PSTPIP1: variants seen among roughly 807,000 people sequenced by gnomAD.
PSTPIP1 encodes proline-serine-threonine phosphatase-interacting protein 1.
In PSTPIP1, 66 loss-of-function variants were observed where a neutral mutation model predicts 69.6. The observed-to-expected ratio is 0.95, with a 90% CI of 0.78 to 1.16. The LOEUF (loss-of-function observed/expected upper bound fraction) is 1.16. Among genes scored for constraint, PSTPIP1 ranks in the 50% most tolerant of loss-of-function variants. The pLI is 0.00. For missense variants in PSTPIP1, 603 were observed against 557.4 expected (o/e 1.08, Z -0.82); for synonymous variants, 266 against 222.7 (o/e 1.19, Z -1.73).
At chr15:76,994,699 A>G (rs1346551036), upstream of PSTPIP1, 6 of 1,242,570 alleles carry the variant, frequency 4.8e-6, no homozygotes, top group Non-Finnish European at 6.3e-6. Flanking sequence ...CTGTGTGCTC[A>G]CAGCCCCCCA....
chr15:77,032,925 T>G lies in PSTPIP1; in HGVS notation c.902T>G (p.Ile301Arg). The change falls in exon 12 of 15, where the codon ATA (isoleucine) becomes AGA (arginine). Residue 301 changes from isoleucine to arginine, a missense_variant. By Grantham distance (97) the Ile-to-Arg change is moderately conservative (BLOSUM62 -3). Transcript: ENST00000558012. ...EVTPLTSSPG[I>R]QPSCGMIKRF... The stretch of plus-strand genomic sequence containing the variant: ...ACCCCGCTGACCAGCAGCCCTGGCA[T>G]ACAGCCGTCCTGCGGCATGATAAAG... The G allele has an allele frequency of 6.2e-7, 1 of 1,605,592 alleles. No homozygotes were observed. Among genetic ancestry groups the G allele is most frequent in the African/African-American group, 1.3e-5 (1 of 74,896 alleles).
At chr15:77,000,212 G>T (rs2075669014) in intron 1 of PSTPIP1, among the ~76,000 whole-genome samples, 1 of 152,194 alleles carries the variant, frequency 6.6e-6, no homozygotes, top group Non-Finnish European at 1.5e-5. Flanking sequence ...GCTTCACACA[G>T]TGGGACCAGC....
chr15:77,032,268 G>C, intron 10 of PSTPIP1, 30 bp from the exon 11 acceptor site: 1 of 1,606,430 alleles, frequency 6.2e-7, no homozygotes, highest in Non-Finnish European at 8.5e-7. Context: ...GTGGGCATCG[G>C]GCTGCGGCCT....
At position 77,030,534 on chromosome 15, in the gene PSTPIP1, GAGA is replaced by G; in HGVS notation, c.598_600del (p.Lys200del). On this transcript the variant is annotated inframe_deletion, in exon 9 of 15. Coordinates refer to ENST00000558012, the MANE Select transcript of PSTPIP1 (RefSeq NM_003978.5). ...ATACAGGCAGAGCATTGCGCAGCTGGAGAAGGTCCGGGCTGAGTGGGAGCAGGA... is the reference window on the plus strand; with the variant it reads ...ATACAGGCAGAGCATTGCGCAGCTGGAGGTCCGGGCTGAGTGGGAGCAGGA... 6.2e-7 allele frequency: 1 copy of G among 1,612,596 alleles called. No individual in the cohort carries two copies. The highest frequency in any genetic ancestry group is 8.5e-7 in the Non-Finnish European group (1 of 1,179,490).
At chr15:77,028,024 AG>A (rs1369541512) in intron 6 of PSTPIP1, 110 bp downstream of exon 6, 2 of 1,068,354 alleles carry the variant, frequency 1.9e-6, no homozygotes, top group African/African-American at 3.2e-5. Flanking sequence ...GGCTGACCTC[AG>A]CCTTGGTCCT....
intron 12 of PSTPIP1, 140 bp downstream of exon 12, chr15:77,033,092 CT>C: frequency 2.4e-6 from 2 of 835,676 alleles, no homozygotes; most frequent in Non-Finnish European, 3.8e-6. Context: ...GTGCTGGGCA[CT>C]CTGTGGAGAC....
At chr15:77,031,444 G>C in intron 10 of PSTPIP1, 166 bp downstream of exon 10, 1 of 634,086 alleles carries the variant, frequency 1.6e-6, no homozygotes. Flanking sequence ...AGAACCCCAA[G>C]ACAGGAGCTC....
chr15:76,995,410 C>T lies in PSTPIP1; in HGVS notation c.-164C>T. On this transcript the variant is annotated 5_prime_UTR_variant, in exon 1 of 15. Transcript: ENST00000558012. ...GAGCTTTTTCCTCCCCTCAGAAGCT[C>T]CTCTCTGGCTCGTGGCTGCCTTCTG... 1.4e-6 allele frequency: 2 copies of T among 1,474,800 alleles called. No individual in the cohort carries two copies. The highest frequency in any genetic ancestry group is 8.9e-7 in the Non-Finnish European group (1 of 1,117,330). 91.4% of individuals were successfully genotyped at this position (1,474,800 alleles called of 1,614,324 possible).
At chr15:77,032,457 C>T (rs1461923078) in intron 11 of PSTPIP1, 63 bp downstream of exon 11, 1 of 1,556,894 alleles carries the variant, frequency 6.4e-7, no homozygotes, top group South Asian at 1.1e-5. Flanking sequence ...AAGGCCCGGC[C>T]CTGAGCCTCA....
intron 9 of PSTPIP1, among the ~76,000 whole-genome samples, 178 bp downstream of exon 9, chr15:77,030,759 C>T (rs1352354636): frequency 6.6e-6 from 1 of 152,240 alleles, no homozygotes; most frequent in Non-Finnish European, 1.5e-5. Context: ...TTGCTTGTCG[C>T]CTGGCCTTGA....
chr15:77,026,596 C>A (rs540442170), intron 5 of PSTPIP1, among the ~76,000 whole-genome samples: 1 of 152,336 alleles, frequency 6.6e-6, no homozygotes, highest in Non-Finnish European at 1.5e-5. Flanking sequence ...CCAAGCCATG[C>A]GCCCCTCAGT....
intron 1 of PSTPIP1, among the ~76,000 whole-genome samples, chr15:76,998,828 G>A (rs1013843442): frequency 7.2e-5 from 11 of 152,186 alleles, no homozygotes; most frequent in African/African-American, 1.4e-4. Flanking sequence ...AGCTGCAGCC[G>A]AGTGTTCAGA....
chr15:77,015,281 G>A (rs536111717), intron 1 of PSTPIP1, among the ~76,000 whole-genome samples: 1 of 152,292 alleles, frequency 6.6e-6, no homozygotes, highest in South Asian at 2.1e-4. Flanking sequence ...ATGGCTTTGG[G>A]GACAGGTTGA....
chr15:77,004,801 A>G (rs778862175), intron 1 of PSTPIP1, among the ~76,000 whole-genome samples: 16 of 152,154 alleles, frequency 1.1e-4, no homozygotes, highest in Non-Finnish European at 1.9e-4. Flanking sequence ...TGGAAACTGT[A>G]GTGACTGTAT....
intron 1 of PSTPIP1, among the ~76,000 whole-genome samples, chr15:77,013,205 T>C (rs563112630): frequency 2.6e-5 from 4 of 152,328 alleles, no homozygotes; most frequent in African/African-American, 7.2e-5. Context: ...CTGTGGCCCA[T>C]GCTGGAGCTT....
intron 7 of PSTPIP1, 78 bp from the exon 8 acceptor site, chr15:77,029,451 C>T (rs1445798324): frequency 4.0e-6 from 6 of 1,507,016 alleles, no homozygotes; most frequent in African/African-American, 1.4e-5. Flanking sequence ...GGAAGCTTGA[C>T]AGTCACTTCA....
intron 1 of PSTPIP1, among the ~76,000 whole-genome samples, chr15:77,017,517 C>T (rs1160683903): frequency 1.3e-5 from 2 of 152,192 alleles, no homozygotes; most frequent in Admixed American, 6.5e-5. Context: ...GCCCACCTCC[C>T]TGGATCTCCG....
intron 9 of PSTPIP1, 70 bp from the exon 10 acceptor site, chr15:77,031,110 G>C (rs2076405018): frequency 6.9e-7 from 1 of 1,456,490 alleles, no homozygotes; most frequent in Non-Finnish European, 9.5e-7. Flanking sequence ...GCTGAGCTGT[G>C]AATGGGGCCC....
chr15:77,034,740 C>T (rs1350162985), intron 12 of PSTPIP1, among the ~76,000 whole-genome samples: 2 of 152,238 alleles, frequency 1.3e-5, no homozygotes, highest in Non-Finnish European at 2.9e-5. Context: ...ACTAAGAAGC[C>T]CTCTTGCCTT....
Sources: allele counts gnomAD v4.1 joint callset (sites outside exome capture counted in the v4.1 genomes callset), GRCh38; gene constraint gnomAD v4.1.1; transcripts MANE v1.5; gene names NCBI Gene and HGNC (gene_info 2026-07-23, HGNC 2026-07-21).